DCC: variants seen among roughly 807,000 people sequenced by gnomAD.
The protein encoded by DCC is DCC netrin 1 receptor.
DCC carries 58 observed loss-of-function variants against 172.5 expected under a neutral mutation model. The observed-to-expected ratio is 0.34, with a 90% CI of 0.27 to 0.42. The LOEUF (loss-of-function observed/expected upper bound fraction) is 0.42. Among genes scored for constraint, DCC ranks in the 10% least tolerant of loss-of-function variants. The probability of loss-of-function intolerance (pLI) is 1.00; values close to 1 mark genes in which losing one functional copy is unlikely to be tolerated. For missense variants in DCC, 1,740 were observed against 1,791.0 expected, an observed-to-expected ratio of 0.97 and a Z score of 0.51; for synonymous variants, 709 against 644.5, an observed-to-expected ratio of 1.10 and a Z score of -1.52.
chr18:52,473,696 T>G (rs1989010430), intron 1 of DCC, among the ~76,000 whole-genome samples: 2 of 152,164 alleles, frequency 1.3e-5, no homozygotes, highest in African/African-American at 4.8e-5. Context: ...CCCCCATGAT[T>G]CGATTATCTC....
At chr18:52,917,513 T>C (rs1441147533) in intron 3 of DCC, among the ~76,000 whole-genome samples, 2 of 152,198 alleles carry the variant, frequency 1.3e-5, no homozygotes, top group Non-Finnish European at 2.9e-5. Flanking sequence ...CGTTATTCTT[T>C]GTTGTAATGA....
intron 15 of DCC, among the ~76,000 whole-genome samples, chr18:53,349,213 C>T (rs975231704): frequency 1.3e-5 from 2 of 152,182 alleles, no homozygotes; most frequent in Non-Finnish European, 2.9e-5. Flanking sequence ...CCACAGATCT[C>T]TAGGGCAGGG....
intron 7 of DCC, among the ~76,000 whole-genome samples, chr18:53,105,947 C>A (rs1458924354): frequency 1.3e-5 from 2 of 151,132 alleles, no homozygotes; most frequent in African/African-American, 4.9e-5. Context: ...TTTCACACCT[C>A]CCTGTGACCC....
chr18:52,611,723 T>G (rs891465762), intron 1 of DCC, among the ~76,000 whole-genome samples: 1 of 152,196 alleles, frequency 6.6e-6, no homozygotes, highest in Non-Finnish European at 1.5e-5. Flanking sequence ...AGTAAACTGT[T>G]TCAGCCTCAA....
Position 53,486,824 on chromosome 18 carries a change from C to T in DCC, c.3764C>T (p.Thr1255Met), listed in dbSNP as rs775848107. Reference protein sequence around the residue: ...PAVVSAIPVPTLESAQYPGIL... With the variant: ...PAVVSAIPVPMLESAQYPGIL... ...GTCGTGAGCGCCATCCCGGTGCCAA[C>T]GCTAGAAAGTGCCCAGTACCCAGGA... The change falls in exon 26 of 29, where the codon ACG (threonine) becomes ATG (methionine). Residue 1255 changes from threonine (T) to methionine (M), a missense_variant. Thr to Met is a moderately conservative substitution (Grantham distance 81, BLOSUM62 -1). Coordinates refer to ENST00000442544, the MANE Select transcript of DCC (RefSeq NM_005215.4). The T allele has an allele frequency of 4.8e-5, 77 of 1,613,976 alleles. No individual in the cohort carries two copies. Among genetic ancestry groups the T allele is most frequent in the African/African-American group, 2.3e-4 (17 of 74,898 alleles).
At chr18:53,350,552 G>C (rs1207130754) in intron 15 of DCC, among the ~76,000 whole-genome samples, 2 of 152,030 alleles carry the variant, frequency 1.3e-5, no homozygotes, top group Non-Finnish European at 2.9e-5. Flanking sequence ...CTTAATCTGA[G>C]TGTAGATCCA....
intron 9 of DCC, among the ~76,000 whole-genome samples, chr18:53,198,590 T>C (rs936723653): frequency 3.3e-5 from 5 of 152,146 alleles, no homozygotes; most frequent in African/African-American, 1.2e-4. Context: ...TAAGATCTCA[T>C]TATAAAGTGC....
chr18:53,398,212 G>T (rs1013019034), intron 18 of DCC, among the ~76,000 whole-genome samples: 164 of 152,110 alleles, frequency 1.1e-3, no homozygotes, highest in African/African-American at 3.8e-3. Context: ...TTAAAAAAAT[G>T]CTAATAAAGC....
intron 1 of DCC, among the ~76,000 whole-genome samples, chr18:52,729,833 T>C (rs572781173): frequency 2.1e-5 from 3 of 143,794 alleles, no homozygotes; most frequent in Non-Finnish European, 4.7e-5. Context: ...CACAGAACAC[T>C]AGACCTGGAA....
chr18:53,360,143 TTTTG>T (rs2057929528), intron 15 of DCC, among the ~76,000 whole-genome samples: 1 of 152,066 alleles, frequency 6.6e-6, no homozygotes, highest in African/African-American at 2.4e-5. Flanking sequence ...TGTAAGAATT[TTTTG>T]TTTATTAGGT....
intron 7 of DCC, among the ~76,000 whole-genome samples, chr18:53,073,354 T>C (rs952359354): frequency 1.3e-5 from 2 of 152,002 alleles, no homozygotes; most frequent in Non-Finnish European, 1.5e-5. Context: ...TGAAACCTCA[T>C]CTCTACTAAA....
chr18:52,775,805 A>G (rs556520819), intron 2 of DCC, among the ~76,000 whole-genome samples: 28 of 152,322 alleles, frequency 1.8e-4, no homozygotes, highest in Admixed American at 5.2e-4. Flanking sequence ...CAGGATGGGA[A>G]TGTGGTCTTG....
chr18:53,465,736 A>G (rs2045612421), intron 24 of DCC, among the ~76,000 whole-genome samples: 2 of 151,690 alleles, frequency 1.3e-5, no homozygotes, highest in African/African-American at 4.9e-5. Flanking sequence ...CCCAAAATTG[A>G]TGCTTTTCTA....
intron 1 of DCC, among the ~76,000 whole-genome samples, chr18:52,721,761 A>G (rs969275834): frequency 6.6e-6 from 1 of 152,198 alleles, no homozygotes; most frequent in Admixed American, 6.5e-5. Context: ...ACAGTGGCTC[A>G]TGCCTGTAAT....
chr18:53,086,502 TTTC>T (rs1277613905), intron 7 of DCC, among the ~76,000 whole-genome samples: 2 of 51,594 alleles, frequency 3.9e-5, no homozygotes, highest in East Asian at 6.6e-4. Context: ...TTCTTCTTCC[TTTC>T]TTCTTCTTCT....
At chr18:53,204,358 A>G (rs2055592063) in intron 9 of DCC, among the ~76,000 whole-genome samples, 1 of 152,106 alleles carries the variant, frequency 6.6e-6, no homozygotes, top group African/African-American at 2.4e-5. Flanking sequence ...GGGCAACAAC[A>G]TAGTGAGACC....
chr18:52,966,981 T>C (rs769917590), intron 5 of DCC, among the ~76,000 whole-genome samples: 1 of 152,210 alleles, frequency 6.6e-6, no homozygotes, highest in Non-Finnish European at 1.5e-5. Context: ...TGCTCTGTTT[T>C]CTGCCTATTC....
At chr18:52,400,794 G>A (rs1236495259) in intron 1 of DCC, among the ~76,000 whole-genome samples, 1 of 151,958 alleles carries the variant, frequency 6.6e-6, no homozygotes, top group African/African-American at 2.4e-5. Flanking sequence ...TCCTTTGCAG[G>A]GACATGGATG....
intron 2 of DCC, among the ~76,000 whole-genome samples, chr18:52,778,951 T>TA (rs1250172856): frequency 6.6e-6 from 1 of 152,156 alleles, no homozygotes; most frequent in Non-Finnish European, 1.5e-5. Flanking sequence ...TCCAGTGACT[T>TA]AAAAACATAT....
Sources: allele counts gnomAD v4.1 joint callset (sites outside exome capture counted in the v4.1 genomes callset), GRCh38; gene constraint gnomAD v4.1.1; transcripts MANE v1.5; gene names NCBI Gene and HGNC (gene_info 2026-07-23, HGNC 2026-07-21).